NSRP1: variants seen among roughly 807,000 people sequenced by gnomAD.
NSRP1 encodes coiled-coil domain containing 55.
NSRP1 carries 24 observed loss-of-function variants against 54.7 expected under a neutral mutation model. That is an observed-to-expected ratio of 0.44 (90% CI 0.32 to 0.62). The LOEUF (loss-of-function observed/expected upper bound fraction) is 0.62, where lower values mean the gene tolerates loss of function less well. NSRP1 is among the 20% of genes least tolerant of loss of function. NSRP1 has a pLI of 0.06. For synonymous variants in NSRP1, 210 were observed against 213.8 expected (o/e 0.98, Z 0.15); for missense variants, 596 against 651.2 (o/e 0.92, Z 0.92).
intron 3 of NSRP1, among the ~76,000 whole-genome samples, chr17:30,176,727 G>A (rs1304275542): frequency 6.6e-6 from 1 of 151,526 alleles, no homozygotes; most frequent in African/African-American, 2.4e-5. Context: ...GGCTGGTTTT[G>A]GGGAGTGAGC....
chr17:30,173,375 A>T (rs1905024440), intron 3 of NSRP1, among the ~76,000 whole-genome samples: 1 of 152,348 alleles, frequency 6.6e-6, no homozygotes, highest in East Asian at 1.9e-4. Context: ...AAACTCAAAA[A>T]GGATAAAGTG....
chr17:30,141,316 T>A (rs2071803251), intron 2 of NSRP1, among the ~76,000 whole-genome samples: 1 of 152,198 alleles, frequency 6.6e-6, no homozygotes, highest in Non-Finnish European at 1.5e-5. Flanking sequence ...CACAGGCTTT[T>A]ATTTAGTGAC....
At chr17:30,155,902 C>T (rs181865241) in intron 2 of NSRP1, among the ~76,000 whole-genome samples, 142 of 151,860 alleles carry the variant, frequency 9.4e-4, no homozygotes, top group Non-Finnish European at 1.7e-3. Context: ...TGCAGTGGCA[C>T]GATCTTGGCT....
chr17:30,166,720 C>G (rs568020423), intron 2 of NSRP1, among the ~76,000 whole-genome samples: 1 of 152,058 alleles, frequency 6.6e-6, no homozygotes, highest in Non-Finnish European at 1.5e-5. Context: ...GCCAGGAGTT[C>G]GAGACCAGCC....
rs1184571563 is a variant in NSRP1, at chr17:30,176,613, C to CG, written c.172-1458_172-1457insG. ...CAACAGTGCAAGACTTCGTCCCCCCCCCCCCAAAAAAAAAACAGCCCTCAG... is the reference window on the plus strand; with the variant it reads ...CAACAGTGCAAGACTTCGTCCCCCCCGCCCCCAAAAAAAAAACAGCCCTCAG... On this transcript the variant is annotated intron_variant, in intron 3 of 6. Transcript: ENST00000247026. 7.4e-5 allele frequency among the ~76,000 whole-genome samples: 9 copies of CG among 121,116 alleles called. No homozygotes were observed. In the East Asian group the frequency reaches 1.9e-3, roughly 26 times the overall value. 79.5% of individuals were successfully genotyped at this position (121,116 alleles called of 152,430 possible).
intron 4 of NSRP1, 84 bp from the exon 5 acceptor site, chr17:30,179,006 A>G (rs923565133): frequency 1.2e-6 from 1 of 808,990 alleles, no homozygotes; most frequent in Non-Finnish European, 1.8e-6. Context: ...AATCATTTCT[A>G]TCTTAATGAA....
chr17:30,157,662 C>A (rs1460548761), intron 2 of NSRP1, among the ~76,000 whole-genome samples: 1 of 152,012 alleles, frequency 6.6e-6, no homozygotes, highest in Admixed American at 6.6e-5. Context: ...TCTTTATCCC[C>A]TCTCCTCCTC....
intron 2 of NSRP1, chr17:30,156,806 A>C (rs1311819854): frequency 6.6e-6 from 1 of 152,302 alleles, no homozygotes; most frequent in South Asian, 2.1e-4. Flanking sequence ...GGTGTGAGCC[A>C]CTGTGCCCCG....
chr17:30,134,476 A>G (rs1448173377), intron 2 of NSRP1, among the ~76,000 whole-genome samples: 3 of 152,250 alleles, frequency 2.0e-5, no homozygotes, highest in Admixed American at 1.3e-4. Flanking sequence ...AGGAATACCT[A>G]TAATGGTACG....
At chr17:30,135,161 C>T (rs750263599) in intron 2 of NSRP1, among the ~76,000 whole-genome samples, 3 of 152,220 alleles carry the variant, frequency 2.0e-5, no homozygotes, top group South Asian at 4.2e-4. Flanking sequence ...CTCTCTCTCC[C>T]AGGCTGGAGT....
chr17:30,142,375 G>A (rs1267413908), intron 2 of NSRP1, among the ~76,000 whole-genome samples: 1 of 152,012 alleles, frequency 6.6e-6, no homozygotes, highest in African/African-American at 2.4e-5. Flanking sequence ...GCCTAGGCAG[G>A]AGTGCAGTGG....
intron 2 of NSRP1, among the ~76,000 whole-genome samples, chr17:30,134,273 G>T (rs921809374): frequency 6.6e-6 from 1 of 152,176 alleles, no homozygotes; most frequent in Non-Finnish European, 1.5e-5. Flanking sequence ...TAACACCAAA[G>T]ATTGTTGATT....
chr17:30,185,019 G>A lies in NSRP1; in HGVS notation c.1022G>A (p.Arg341Lys), dbSNP rs1182004983. Residue 341 changes from arginine to lysine, a missense_variant, in exon 7 of 7, where the codon AGG becomes AAG. Physicochemically the swap from Arg to Lys is conservative, Grantham distance 26 (BLOSUM62 2). Transcript: ENST00000247026. ...ACTGACCGTGATTACCGGAAAGAAA[G>A]GGATTCTCATAGGCACAGAGAGGCC... is the stretch of plus-strand genomic sequence containing the variant. ...HYTDRDYRKE[R>K]DSHRHREASH... is the part of the protein sequence containing the mutation. 3.1e-6 allele frequency: 5 copies of A among 1,614,104 alleles called. No individual in the cohort carries two copies. The highest frequency in any genetic ancestry group is 3.4e-6 in the Non-Finnish European group (4 of 1,180,046).
intron 2 of NSRP1, among the ~76,000 whole-genome samples, chr17:30,139,978 C>T (rs755313472): frequency 5.3e-5 from 8 of 152,210 alleles, no homozygotes; most frequent in South Asian, 2.1e-4. Context: ...GAACCGAGAT[C>T]GCACCACTGC....
intron 2 of NSRP1, among the ~76,000 whole-genome samples, chr17:30,160,162 G>C (rs1033067234): frequency 1.3e-5 from 2 of 152,102 alleles, no homozygotes. Flanking sequence ...ACTTGATTGT[G>C]GTATATTGTC....
At chr17:30,141,822 G>C (rs534608430) in intron 2 of NSRP1, among the ~76,000 whole-genome samples, 41 of 152,274 alleles carry the variant, frequency 2.7e-4, no homozygotes, top group African/African-American at 8.9e-4. Context: ...GGGCAATGTG[G>C]TGAAACCTCG....
At chr17:30,137,109 T>G (rs2071757363) in intron 2 of NSRP1, among the ~76,000 whole-genome samples, 1 of 152,188 alleles carries the variant, frequency 6.6e-6, no homozygotes, top group Non-Finnish European at 1.5e-5. Context: ...GCAGGCATCC[T>G]TTTCTTGTTT....
intron 2 of NSRP1, among the ~76,000 whole-genome samples, chr17:30,138,029 C>G (rs937237183): frequency 2.0e-5 from 3 of 152,120 alleles, no homozygotes; most frequent in African/African-American, 7.2e-5. Context: ...AGTGCCCTGC[C>G]CAGCCCTTAG....
At chr17:30,117,179 TTC>T (rs1443747229) in intron 1 of NSRP1, 7 of 693,726 alleles carry the variant, frequency 1.0e-5, no homozygotes, top group Admixed American at 4.3e-5. Flanking sequence ...GCGCTTGAGT[TTC>T]TCCCCGCTTG....
Sources: gnomAD v4.1 joint callset for allele counts (sites outside exome capture counted in the v4.1 genomes callset) on GRCh38, gnomAD v4.1.1 for gene constraint, MANE v1.5 for transcripts, NCBI Gene and HGNC (gene_info 2026-07-23, HGNC 2026-07-21) for gene names.